LRMDA: variants seen among roughly 807,000 people sequenced by gnomAD.
LRMDA encodes leucine-rich melanocyte differentiation-associated protein.
LRMDA carries 18 observed loss-of-function variants against 29.8 expected under a neutral mutation model. That is an observed-to-expected ratio of 0.60 (90% CI 0.42 to 0.90). LRMDA has a LOEUF of 0.90. Ranked by LOEUF, LRMDA falls within the 40% of genes least tolerant of loss-of-function variation. The pLI is 0.00. For missense variants in LRMDA, 273 were observed against 273.9 expected, an observed-to-expected ratio of 1.00 and a Z score of 0.02; for synonymous variants, 125 against 109.4, an observed-to-expected ratio of 1.14 and a Z score of -0.89.
chr10:76,043,338 G>T (rs1848371773), intron 3 of LRMDA, among the ~76,000 whole-genome samples: 1 of 152,140 alleles, frequency 6.6e-6, no homozygotes, highest in Admixed American at 6.5e-5. Flanking sequence ...ACTGTTGGAA[G>T]AATTTAACTA....
chr10:76,315,075 AG>A (rs1458769151), intron 5 of LRMDA, among the ~76,000 whole-genome samples: 2 of 152,176 alleles, frequency 1.3e-5, no homozygotes, highest in South Asian at 2.1e-4. Flanking sequence ...TATGGAATCG[AG>A]CTGTGTTATT....
rs142523860 is a variant in LRMDA, at chr10:76,513,753, G to A, written c.602-43456G>A. Among the ~76,000 whole-genome samples the A allele has an allele frequency of 1.9e-3, 283 of 152,254 alleles. 1 individual carries two copies. Among genetic ancestry groups the A allele is most frequent in the African/African-American group, 6.6e-3 (275 of 41,544 alleles). ...TCTCATAAAGGTCTGTGCTTTGGCA[G>A]CCATGGATACTCTTTCCCTTTAACT... On this transcript the variant is annotated intron_variant, in intron 6 of 6. Coordinates refer to ENST00000611255, the MANE Select transcript of LRMDA (RefSeq NM_001305581.2).
intron 2 of LRMDA, among the ~76,000 whole-genome samples, chr10:75,493,920 AATT>A (rs1243719912): frequency 1.3e-5 from 2 of 148,596 alleles, no homozygotes; most frequent in Admixed American, 6.7e-5. Context: ...TGTGTGTGTA[AATT>A]ATTATTATTT....
At chr10:76,317,897 A>T (rs1224713229) in intron 5 of LRMDA, among the ~76,000 whole-genome samples, 1 of 152,176 alleles carries the variant, frequency 6.6e-6, no homozygotes, top group Non-Finnish European at 1.5e-5. Context: ...ATCTTTACTT[A>T]TTAACTACTA....
intron 2 of LRMDA, among the ~76,000 whole-genome samples, chr10:75,660,489 C>CG (rs1219475893): frequency 6.6e-6 from 1 of 152,118 alleles, no homozygotes; most frequent in South Asian, 2.1e-4. Flanking sequence ...CATCACAGGA[C>CG]GGGGGGAGAA....
chr10:76,034,261 C>A (rs1388289542), intron 2 of LRMDA, among the ~76,000 whole-genome samples: 1 of 152,070 alleles, frequency 6.6e-6, no homozygotes, highest in Non-Finnish European at 1.5e-5. Context: ...TATTTTGATA[C>A]AGGCAGGCAA....
At chr10:76,028,106 A>C (rs1251828309) in intron 2 of LRMDA, among the ~76,000 whole-genome samples, 1 of 152,226 alleles carries the variant, frequency 6.6e-6, no homozygotes, top group South Asian at 2.1e-4. Flanking sequence ...GCCATCCAGC[A>C]ATTTCACTGT....
chr10:75,838,282 T>C (rs1290852950), intron 2 of LRMDA, among the ~76,000 whole-genome samples: 2 of 152,200 alleles, frequency 1.3e-5, no homozygotes, highest in Admixed American at 1.3e-4. Context: ...AATACTAATA[T>C]AATATCCAGC....
chr10:75,607,127 T>A (rs1484497070), intron 2 of LRMDA, among the ~76,000 whole-genome samples: 1 of 152,222 alleles, frequency 6.6e-6, no homozygotes, highest in African/African-American at 2.4e-5. Flanking sequence ...ACAGTTTTAA[T>A]GACTAGTTAA....
chr10:75,987,368 C>T (rs115177772), intron 2 of LRMDA, among the ~76,000 whole-genome samples: 1,878 of 152,314 alleles, frequency 0.012, 34 homozygotes, highest in African/African-American at 0.043. Flanking sequence ...ATCCTGAGCA[C>T]TGCAGGTTAC....
At chr10:76,411,441 C>A (rs1841960400) in intron 6 of LRMDA, among the ~76,000 whole-genome samples, 1 of 152,162 alleles carries the variant, frequency 6.6e-6, no homozygotes, top group Admixed American at 6.5e-5. Flanking sequence ...ATTATATACA[C>A]CTTACAGCCA....
chr10:75,904,021 A>G (rs139950400), intron 2 of LRMDA, among the ~76,000 whole-genome samples: 1 of 152,360 alleles, frequency 6.6e-6, no homozygotes, highest in East Asian at 1.9e-4. Flanking sequence ...CATAGATTCA[A>G]GAGACTAATA....
chr10:76,250,476 G>A (rs1852456660), intron 5 of LRMDA, among the ~76,000 whole-genome samples: 1 of 152,092 alleles, frequency 6.6e-6, no homozygotes. Flanking sequence ...TTTCTAGGCT[G>A]ACCTTGAAGG....
chr10:76,367,579 C>T (rs1174944856), intron 6 of LRMDA, among the ~76,000 whole-genome samples: 4 of 151,950 alleles, frequency 2.6e-5, no homozygotes, highest in South Asian at 2.1e-4. Flanking sequence ...CATGTGCCAC[C>T]ATGCCCGGCT....
At chr10:76,239,590 T>C (rs1192256736) in intron 5 of LRMDA, among the ~76,000 whole-genome samples, 1 of 151,818 alleles carries the variant, frequency 6.6e-6, no homozygotes, top group Non-Finnish European at 1.5e-5. Context: ...TCTGTTTCTC[T>C]CTCTGTCTCT....
rs895979935 is a variant in LRMDA, at chr10:75,971,849, A to G, written c.132-64159A>G. On this transcript the variant is annotated intron_variant, in intron 2 of 6. Transcript: ENST00000611255. Reference sequence around the variant, plus strand: ...TTCTCAGAAAACCCAACAAAATGGGAGCCTTTGAAACATGATCTTTTTGGC... The same window carrying G: ...TTCTCAGAAAACCCAACAAAATGGGGGCCTTTGAAACATGATCTTTTTGGC... 5.9e-5 allele frequency among the ~76,000 whole-genome samples: 9 copies of G among 152,264 alleles called. No homozygotes were observed. In the South Asian group the frequency reaches 1.7e-3, roughly 28 times the overall value.
rs150719697 is a variant in LRMDA at position 75,741,943 on chromosome 10, G to A, written c.132-294065G>A. ...ATTAGTACCCTTATAAAAGGAATCC[G>A]TGAGAGCGCTGTGAGGACAGAATGC... On this transcript the variant is annotated intron_variant, in intron 2 of 6. Coordinates refer to ENST00000611255, the MANE Select transcript of LRMDA (RefSeq NM_001305581.2). Among the ~76,000 whole-genome samples, 751 of 152,284 alleles carry A rather than the reference G, an allele frequency of 4.9e-3. 8 individuals are homozygous for A. Among genetic ancestry groups the A allele is most frequent in the African/African-American group, 0.017 (704 of 41,562 alleles).
At chr10:76,123,388 G>T (rs562396967) in intron 5 of LRMDA, among the ~76,000 whole-genome samples, 9 of 151,588 alleles carry the variant, frequency 5.9e-5, no homozygotes, top group Admixed American at 2.6e-4. Flanking sequence ...TCACACCTGC[G>T]GTCCCAGCTA....
intron 2 of LRMDA, among the ~76,000 whole-genome samples, chr10:75,953,151 C>T (rs910979456): frequency 1.3e-5 from 2 of 152,122 alleles, no homozygotes; most frequent in Non-Finnish European, 2.9e-5. Flanking sequence ...TGGCTCACTG[C>T]AGCCTTGACC....
Sources: allele counts gnomAD v4.1 joint callset (sites outside exome capture counted in the v4.1 genomes callset), GRCh38; gene constraint gnomAD v4.1.1; transcripts MANE v1.5; gene names NCBI Gene and HGNC (gene_info 2026-07-23, HGNC 2026-07-21).